ABR: variants seen among roughly 807,000 people sequenced by gnomAD.
ABR encodes active breakpoint cluster region-related protein.
In ABR, 35 loss-of-function variants were observed where a neutral mutation model predicts 107.2. The ratio of observed to expected loss-of-function variants is 0.33; its 90% CI spans 0.25 to 0.43. ABR has a LOEUF of 0.43. Among genes scored for constraint, ABR ranks in the 20% least tolerant of loss-of-function variants. ABR has a pLI of 1.00. For synonymous variants in ABR, 498 were observed against 462.0 expected (o/e 1.08, Z -1.00); for missense variants, 815 against 1,115.2 (o/e 0.73, Z 3.83).
In ABR at chr17:1,109,035, C is replaced by G. The variant is rs1450838845; in HGVS notation, c.247-8300G>C. 4 of 1,598,458 alleles carry G rather than the reference C, an allele frequency of 2.5e-6. No individual in the cohort carries two copies. The African/African-American group carries it at 4.1e-5, about 16-fold the overall frequency. Reference sequence around the variant, plus strand: ...ACATCTTCGTCCTCCAGAACCTTGTCCAGCAAGCCTATCGCCTCCTCTTCC... The same window carrying G: ...ACATCTTCGTCCTCCAGAACCTTGTGCAGCAAGCCTATCGCCTCCTCTTCC... On this transcript the variant is annotated intron_variant, in intron 2 of 22. Transcript: ENST00000302538.
intron 1 of ABR, among the ~76,000 whole-genome samples, chr17:1,151,037 G>A (rs556239008): frequency 6.6e-6 from 1 of 152,278 alleles, no homozygotes; most frequent in African/African-American, 2.4e-5. Flanking sequence ...CAGACTGACT[G>A]GGTCTGAATC....
chr17:1,037,015 C>T lies in ABR; in HGVS notation c.1791+13035G>A, dbSNP rs763396341. Reference sequence around the variant, plus strand: ...TCCTTCCATCCTTCCTTCCTTCCATCCTTCCTTCCTTCCATCCATCCACCC... The same window carrying T: ...TCCTTCCATCCTTCCTTCCTTCCATTCTTCCTTCCTTCCATCCATCCACCC... On this transcript the variant is annotated intron_variant, in intron 16 of 22. Coordinates refer to ENST00000302538, the MANE Select transcript of ABR (RefSeq NM_021962.5). This position sits in a 1 kb window ranked among gnomAD's most constrained non-coding sequence, Gnocchi z 4.6. Among the ~76,000 whole-genome samples, 13 of 146,272 alleles carry T rather than the reference C, an allele frequency of 8.9e-5. No homozygotes were observed. Among genetic ancestry groups the T allele is most frequent in the Non-Finnish European group, 1.6e-4 (11 of 67,910 alleles).
chr17:1,132,459 A>C (rs1457968080), intron 1 of ABR, among the ~76,000 whole-genome samples: 1 of 148,528 alleles, frequency 6.7e-6, no homozygotes, highest in South Asian at 2.1e-4. Flanking sequence ...GCTCACTGCA[A>C]CCTCCACCTG....
At chr17:1,173,090 CAT>C (rs2041788516) in intron 1 of ABR, among the ~76,000 whole-genome samples, 1 of 71,992 alleles carries the variant, frequency 1.4e-5, no homozygotes, top group Admixed American at 1.5e-4. Context: ...CCACCCCCCC[CAT>C]CATCTCAGCC....
At chr17:1,145,038 A>G (rs2040472352) in intron 1 of ABR, among the ~76,000 whole-genome samples, 1 of 152,088 alleles carries the variant, frequency 6.6e-6, no homozygotes, top group Admixed American at 6.6e-5. Context: ...AATAAATAAA[A>G]ATAAAGGAAA....
chr17:1,105,530 TG>T (rs1239453025), intron 2 of ABR, among the ~76,000 whole-genome samples: 1 of 152,144 alleles, frequency 6.6e-6, no homozygotes, highest in Admixed American at 6.5e-5. Flanking sequence ...ACAAGAGACC[TG>T]GGCAGGTGAA....
At chr17:1,111,337 G>T (rs1347642132) in intron 2 of ABR, among the ~76,000 whole-genome samples, 2 of 152,138 alleles carry the variant, frequency 1.3e-5, no homozygotes, top group Non-Finnish European at 2.9e-5. Flanking sequence ...CCCGGTGGCT[G>T]GAAATTCCAG....
chr17:1,203,741 G>GC (rs1013616968), intron 1 of ABR, among the ~76,000 whole-genome samples: 10 of 152,168 alleles, frequency 6.6e-5, no homozygotes, highest in South Asian at 2.1e-4. Flanking sequence ...GGCGGATGGC[G>GC]CCCCCCGGGC....
chr17:1,190,136 C>T (rs949231102), upstream of ABR, among the ~76,000 whole-genome samples: 2 of 152,196 alleles, frequency 1.3e-5, no homozygotes, highest in Non-Finnish European at 2.9e-5. Context: ...TCTCTAACTG[C>T]TCACAAAAAA....
chr17:1,097,788 C>A (rs573257146), intron 3 of ABR, among the ~76,000 whole-genome samples: 65 of 152,296 alleles, frequency 4.3e-4, no homozygotes, highest in African/African-American at 1.6e-3. Context: ...CAAATACACA[C>A]CCTGTTAGTA....
chr17:1,075,859 T>A (rs1256146913), intron 6 of ABR, among the ~76,000 whole-genome samples: 1 of 152,094 alleles, frequency 6.6e-6, no homozygotes, highest in Non-Finnish European at 1.5e-5. Flanking sequence ...CTGGCCAACA[T>A]GGTGAAACCC....
chr17:1,208,716 A>G (rs75625585), intron 1 of ABR, among the ~76,000 whole-genome samples: 6,321 of 152,032 alleles, frequency 0.042, 265 homozygotes, highest in East Asian at 0.25. Context: ...GTGAAACCCC[A>G]TCTCTACTAA....
chr17:1,058,057 A>C lies in ABR; in HGVS notation c.1306-12T>G, dbSNP rs1308127898. 1 of 1,603,606 alleles carries C rather than the reference A, an allele frequency of 6.2e-7. No individual in the cohort carries two copies. Among genetic ancestry groups the C allele is most frequent in the Non-Finnish European group, 8.5e-7 (1 of 1,172,976 alleles). ...AGGAACAGGTAACTCTGAAGAGAGG[A>C]GATAAGCATAAAGTGGGTGACCACA... On this transcript the variant is annotated splice_polypyrimidine_tract_variant and intron_variant, in intron 11 of 22. Coordinates refer to ENST00000302538, the MANE Select transcript of ABR (RefSeq NM_021962.5).
intron 16 of ABR, among the ~76,000 whole-genome samples, chr17:1,014,357 C>A (rs565452750): frequency 7.6e-6 from 1 of 132,120 alleles, no homozygotes; most frequent in Non-Finnish European, 1.6e-5. Context: ...AGGAGAATAG[C>A]GTGAACCCGG....
intron 2 of ABR, among the ~76,000 whole-genome samples, chr17:1,103,533 T>C (rs2038048939): frequency 6.6e-6 from 1 of 152,116 alleles, no homozygotes. Flanking sequence ...AGAAAGGGAT[T>C]TGCAGCCCCA....
At chr17:1,187,265 T>G (rs2042323739) in exon 1 of ABR, 1 of 152,378 alleles carries the variant, frequency 6.6e-6, no homozygotes, top group African/African-American at 2.4e-5. Context: ...GGTCGGGCCG[T>G]GTGTGCTGTG....
chr17:1,144,200 T>C (rs1406657111), intron 1 of ABR, among the ~76,000 whole-genome samples: 3 of 151,950 alleles, frequency 2.0e-5, no homozygotes, highest in African/African-American at 4.8e-5. Context: ...CCACCGAACA[T>C]AGAGGAATCA....
chr17:1,194,293 T>C (rs573244372), intron 1 of ABR, among the ~76,000 whole-genome samples: 13 of 151,836 alleles, frequency 8.6e-5, no homozygotes, highest in African/African-American at 2.7e-4. Context: ...GTTCAAGTAA[T>C]TCTCTTGCCT....
chr17:1,083,878 C>A (rs1328388761), intron 4 of ABR: 4 of 439,808 alleles, frequency 9.1e-6, no homozygotes, highest in Non-Finnish European at 1.7e-5. Context: ...CAGGCTAGGG[C>A]CTTTGTTGGC....
Sources: allele counts gnomAD v4.1 joint callset (sites outside exome capture counted in the v4.1 genomes callset), GRCh38; gene constraint gnomAD v4.1.1; non-coding constraint Gnocchi (gnomAD v3.1); transcripts MANE v1.5; gene names NCBI Gene and HGNC (gene_info 2026-07-23, HGNC 2026-07-21).